The following DPYSL3 variants were observed in gnomAD, a reference collection of about 807,000 sequenced individuals.
The protein encoded by DPYSL3 is dihydropyrimidinase like 3, also known as dihydropyrimidinase-related protein 3.
Under a neutral mutation model 66.1 loss-of-function variants are expected in DPYSL3, and 16 were observed. The observed-to-expected ratio is 0.24, with a 90% CI of 0.16 to 0.37. DPYSL3 has a LOEUF of 0.37. DPYSL3 is among the 10% of genes least tolerant of loss of function. The probability of loss-of-function intolerance (pLI) is 1.00; values close to 1 mark genes in which losing one functional copy is unlikely to be tolerated. For synonymous variants in DPYSL3, 338 were observed against 345.1 expected, an observed-to-expected ratio of 0.98 and a Z score of 0.23; for missense variants, 738 against 916.2, an observed-to-expected ratio of 0.81 and a Z score of 2.51.
Position 147,510,064 on chromosome 5 carries a change from A to G in DPYSL3, c.-206T>C, listed in dbSNP as rs925538003. On this transcript the variant is annotated 5_prime_UTR_variant, in exon 1 of 14. Transcript: ENST00000343218. ...CAGCTAGCGCGCGGAGCAGGGGCCCAGAGTAGCGCCGCGCTTGGCTCACTC... is the reference window on the plus strand; with the variant it reads ...CAGCTAGCGCGCGGAGCAGGGGCCCGGAGTAGCGCCGCGCTTGGCTCACTC... 7 of 796,822 alleles carry G rather than the reference A, an allele frequency of 8.8e-6. No individual in the cohort carries two copies. The Admixed American group carries it at 2.4e-4, about 28-fold the overall frequency. 49.4% of individuals were successfully genotyped at this position (796,822 alleles called of 1,614,324 possible). A position where few individuals can be genotyped will look rare whatever the true frequency, so the allele number is the denominator to read the frequency against.
rs746794014 is a variant in DPYSL3 at position 147,413,582 on chromosome 5, A to G, written c.882+14T>C. The G allele has an allele frequency of 1.1e-5, 17 of 1,607,478 alleles. No individual in the cohort carries two copies. Among genetic ancestry groups the G allele is most frequent in the Non-Finnish European group, 1.4e-5 (16 of 1,174,620 alleles). ...ATCCAGATACCCCAAACCACATAGCAAATGGGTTGTTACCTCTGTGTTAGA... is the reference window on the plus strand; with the variant it reads ...ATCCAGATACCCCAAACCACATAGCGAATGGGTTGTTACCTCTGTGTTAGA... On this transcript the variant is annotated intron_variant, in intron 5 of 13. Transcript: ENST00000343218.
chr5:147,490,103 T>C (rs1165945402), intron 1 of DPYSL3, among the ~76,000 whole-genome samples: 2 of 152,162 alleles, frequency 1.3e-5, no homozygotes, highest in Non-Finnish European at 2.9e-5. Flanking sequence ...TAATGTTACT[T>C]CTGATGCCTC....
chr5:147,477,110 A>G (rs778293486), intron 1 of DPYSL3, among the ~76,000 whole-genome samples: 1 of 152,244 alleles, frequency 6.6e-6, no homozygotes, highest in Non-Finnish European at 1.5e-5. Context: ...GTTTAAACGG[A>G]CAAAATTCCC....
chr5:147,425,038 AATTC>A lies in DPYSL3; in HGVS notation c.382-79_382-76del, dbSNP rs1752169760. ...AAGAGTGATCTGCCAAGGTTTTCCC[AATTC>A]ATTGTTCTAGATGTCTAGTAGAAAC... On this transcript the variant is annotated intron_variant, in intron 1 of 13. Transcript: ENST00000343218. The A allele has an allele frequency of 4.2e-6, 5 of 1,180,146 alleles. No homozygotes were observed. The South Asian group carries it at 6.7e-5, about 16-fold the overall frequency. The allele number at this position is 1,180,146 out of a possible 1,614,324, so 73.1% of individuals were successfully genotyped here. A position where few individuals can be genotyped will look rare whatever the true frequency, so the allele number is the denominator to read the frequency against.
At chr5:147,425,252 TTTATA>T (rs1411328514) in intron 1 of DPYSL3, among the ~76,000 whole-genome samples, 3 of 152,230 alleles carry the variant, frequency 2.0e-5, no homozygotes, top group East Asian at 1.9e-4. Flanking sequence ...GGAGACATCC[TTTATA>T]TTATATTTTC....
chr5:147,395,349 C>T (rs1049527694), intron 13 of DPYSL3, among the ~76,000 whole-genome samples: 3 of 152,192 alleles, frequency 2.0e-5, no homozygotes, highest in Admixed American at 2.0e-4. Flanking sequence ...TGGTCTTCGG[C>T]CTGACTGCCT....
intron 1 of DPYSL3, among the ~76,000 whole-genome samples, chr5:147,477,881 C>G (rs879859582): frequency 4.1e-4 from 63 of 152,116 alleles, no homozygotes; most frequent in Admixed American, 1.6e-3. Flanking sequence ...CGCGCCCGGC[C>G]CTAAATCTTT....
At chr5:147,450,593 G>A (rs1407690089) in intron 1 of DPYSL3, among the ~76,000 whole-genome samples, 1 of 151,966 alleles carries the variant, frequency 6.6e-6, no homozygotes, top group Non-Finnish European at 1.5e-5. Flanking sequence ...ACTCCAACAG[G>A]GACACAGAAA....
chr5:147,392,843 A>C lies in DPYSL3; in HGVS notation c.*1192T>G, dbSNP rs1184481287. 6.6e-6 allele frequency: 1 copy of C among 152,268 alleles called. No homozygotes were observed. The highest frequency in any genetic ancestry group is 1.5e-5 in the Non-Finnish European group (1 of 68,046). 9.4% of individuals were successfully genotyped at this position (152,268 alleles called of 1,614,324 possible). ...AATGGAAAGGTGGAACCAGGTCCAC[A>C]AAATGTGCTCCCTCTGCTCAAGACT... On this transcript the variant is annotated 3_prime_UTR_variant, in exon 14 of 14. Transcript: ENST00000343218.
intron 1 of DPYSL3, among the ~76,000 whole-genome samples, chr5:147,443,260 G>T (rs1347188155): frequency 6.6e-6 from 1 of 152,178 alleles, no homozygotes. Flanking sequence ...ACTGGATAAA[G>T]AATATGTGGT....
At chr5:147,462,777 C>A (rs777177768) in intron 1 of DPYSL3, among the ~76,000 whole-genome samples, 1 of 152,050 alleles carries the variant, frequency 6.6e-6, no homozygotes. Flanking sequence ...GATTCAATGA[C>A]TCCTATGTTA....
chr5:147,449,434 A>G (rs2126390432), intron 1 of DPYSL3, among the ~76,000 whole-genome samples: 1 of 152,364 alleles, frequency 6.6e-6, no homozygotes, highest in African/African-American at 2.4e-5. Context: ...AAACAAATGC[A>G]TTATCTGCAA....
chr5:147,489,341 C>G (rs1753380629), intron 1 of DPYSL3, among the ~76,000 whole-genome samples: 1 of 152,204 alleles, frequency 6.6e-6, no homozygotes, highest in Non-Finnish European at 1.5e-5. Context: ...TGATGCTTAG[C>G]TGCCACCATA....
intron 13 of DPYSL3, among the ~76,000 whole-genome samples, chr5:147,394,433 C>T (rs1276282469): frequency 4.6e-5 from 7 of 152,238 alleles, no homozygotes; most frequent in South Asian, 2.1e-4. Context: ...CAATGTTTTC[C>T]GTGCTTAACC....
At chr5:147,486,177 T>C (rs541956611) in intron 1 of DPYSL3, among the ~76,000 whole-genome samples, 2 of 152,172 alleles carry the variant, frequency 1.3e-5, no homozygotes, top group Non-Finnish European at 2.9e-5. Context: ...AGCAGATTAG[T>C]GAATGCCAAA....
At chr5:147,498,757 A>G (rs533464394) in intron 1 of DPYSL3, among the ~76,000 whole-genome samples, 1 of 152,262 alleles carries the variant, frequency 6.6e-6, no homozygotes, top group East Asian at 1.9e-4. Flanking sequence ...TGTAATAGAC[A>G]TGAACACATG....
rs780475163 is a variant in DPYSL3, at chr5:147,399,262, T to C, written c.1453-10A>G. 1.2e-6 allele frequency: 2 copies of C among 1,612,894 alleles called. No individual in the cohort carries two copies. Among genetic ancestry groups the C allele is most frequent in the South Asian group, 2.2e-5 (2 of 90,862 alleles). ...CCATTTTCCCTGTGGCCTATTGAAA[T>C]ATAAGAAATTATATCTATATCTATA... is the stretch of plus-strand genomic sequence containing the variant. On this transcript the variant is annotated splice_polypyrimidine_tract_variant and intron_variant, in intron 10 of 13. Coordinates refer to ENST00000343218, the MANE Select transcript of DPYSL3 (RefSeq NM_001197294.2).
chr5:147,510,042 C>T lies in DPYSL3; in HGVS notation c.-184G>A, dbSNP rs1005091327. 1.2e-5 allele frequency: 13 copies of T among 1,063,538 alleles called. No individual in the cohort carries two copies. The highest frequency in any genetic ancestry group is 1.7e-5 in the Non-Finnish European group (13 of 772,482). The allele number at this position is 1,063,538 out of a possible 1,614,324, so 65.9% of individuals were successfully genotyped here. On this transcript the variant is annotated 5_prime_UTR_variant, in exon 1 of 14. Coordinates refer to ENST00000343218, the MANE Select transcript of DPYSL3 (RefSeq NM_001197294.2). Reference sequence around the variant, plus strand: ...GCGAGCCAGCGAGCCACACAGCCAGCTAGCGCGCGGAGCAGGGGCCCAGAG... The same window carrying T: ...GCGAGCCAGCGAGCCACACAGCCAGTTAGCGCGCGGAGCAGGGGCCCAGAG...
intron 1 of DPYSL3, among the ~76,000 whole-genome samples, chr5:147,448,986 T>A (rs1424723068): frequency 6.6e-6 from 1 of 152,238 alleles, no homozygotes; most frequent in Admixed American, 6.5e-5. Context: ...GACTCTGGAA[T>A]TCCCCTTTCA....
Sources: allele counts gnomAD v4.1 joint callset (sites outside exome capture counted in the v4.1 genomes callset), GRCh38; gene constraint gnomAD v4.1.1; transcripts MANE v1.5; gene names NCBI Gene and HGNC (gene_info 2026-07-23, HGNC 2026-07-21).